The following PGM5 variants were observed in gnomAD, a reference collection of about 807,000 sequenced individuals.
PGM5 encodes phosphoglucomutase 5.
PGM5 carries 23 observed loss-of-function variants against 59.2 expected under a neutral mutation model. The observed-to-expected ratio is 0.39, with a 90% confidence interval of 0.28 to 0.55. PGM5 has a LOEUF of 0.55. Ranked by LOEUF, PGM5 falls within the 20% of genes least tolerant of loss-of-function variation. The probability of loss-of-function intolerance (pLI) is 0.66; values close to 1 mark genes in which losing one functional copy is unlikely to be tolerated. For missense variants in PGM5, 574 were observed against 748.3 expected, an observed-to-expected ratio of 0.77 and a Z score of 2.72; for synonymous variants, 214 against 286.0, an observed-to-expected ratio of 0.75 and a Z score of 2.54.
chr9:68,421,764 T>G (rs1823134081), intron 6 of PGM5, among the ~76,000 whole-genome samples: 1 of 152,076 alleles, frequency 6.6e-6, no homozygotes, highest in African/African-American at 2.4e-5. Flanking sequence ...GAGCTGATTC[T>G]GCTTTCCTGA....
intron 6 of PGM5, among the ~76,000 whole-genome samples, chr9:68,438,653 T>C (rs1823478771): frequency 6.6e-6 from 1 of 152,206 alleles, no homozygotes; most frequent in South Asian, 2.1e-4. Context: ...AGTAGATAGA[T>C]TGGAGAAGAC....
At chr9:68,434,591 G>A (rs1249835613) in intron 6 of PGM5, among the ~76,000 whole-genome samples, 1 of 152,010 alleles carries the variant, frequency 6.6e-6, no homozygotes, top group African/African-American at 2.4e-5. Context: ...TGGATCACCC[G>A]AGGTCAGGAG....
At chr9:68,372,670 T>C (rs1587773499) in intron 1 of PGM5, among the ~76,000 whole-genome samples, 1 of 152,134 alleles carries the variant, frequency 6.6e-6, no homozygotes, top group Non-Finnish European at 1.5e-5. Flanking sequence ...TGAGGCTGGG[T>C]AATTTACAAA....
chr9:68,393,915 G>A (rs1327296551), intron 6 of PGM5: 4 of 152,054 alleles, frequency 2.6e-5, no homozygotes, highest in African/African-American at 7.2e-5. Context: ...TTATATATTT[G>A]TATACTACAC....
At chr9:68,466,272 T>TG (rs1554685804) in intron 7 of PGM5, 1,041 of 701,904 alleles carry the variant, frequency 1.5e-3, no homozygotes, top group Non-Finnish European at 1.6e-3. Context: ...TACTGTGTGT[T>TG]TTTTTTTTTT....
intron 9 of PGM5, among the ~76,000 whole-genome samples, chr9:68,491,817 C>T (rs1174538852): frequency 6.6e-6 from 1 of 152,086 alleles, no homozygotes; most frequent in Non-Finnish European, 1.5e-5. Flanking sequence ...CCCTGGGCAA[C>T]ACAGCGAGAC....
chr9:68,361,305 T>C (rs1834574950), intron 1 of PGM5, among the ~76,000 whole-genome samples: 3 of 152,216 alleles, frequency 2.0e-5, no homozygotes, highest in Non-Finnish European at 4.4e-5. Flanking sequence ...GTTTATGTAT[T>C]TATTTAATGA....
chr9:68,419,265 A>C (rs1823088168), intron 6 of PGM5, among the ~76,000 whole-genome samples: 1 of 152,074 alleles, frequency 6.6e-6, no homozygotes, highest in Non-Finnish European at 1.5e-5. Flanking sequence ...TTTTTTTTCC[A>C]CCAAGTTTTA....
intron 9 of PGM5, among the ~76,000 whole-genome samples, chr9:68,489,040 C>T (rs782641706): frequency 2.6e-5 from 4 of 152,102 alleles, no homozygotes; most frequent in Admixed American, 6.6e-5. Context: ...GTGCAAACAT[C>T]GAGGGTTTCC....
intron 1 of PGM5, among the ~76,000 whole-genome samples, chr9:68,373,133 A>G (rs539143436): frequency 1.4e-5 from 2 of 141,292 alleles, no homozygotes; most frequent in East Asian, 4.1e-4. Flanking sequence ...TCCTATTATT[A>G]AAATCCTCCT....
chr9:68,368,946 A>G (rs568222033), intron 1 of PGM5, among the ~76,000 whole-genome samples: 2 of 152,414 alleles, frequency 1.3e-5, no homozygotes, highest in East Asian at 3.9e-4. Context: ...TGCCTGGCCT[A>G]CATCCAGTTT....
chr9:68,436,724 T>G lies in PGM5; in HGVS notation c.1044-28369T>G, dbSNP rs527699890. 2.0e-5 allele frequency among the ~76,000 whole-genome samples: 3 copies of G among 152,362 alleles called. No individual in the cohort carries two copies. The South Asian group carries it at 6.2e-4, about 32-fold the overall frequency. On this transcript the variant is annotated intron_variant, in intron 6 of 10. Coordinates refer to ENST00000396396, the MANE Select transcript of PGM5 (RefSeq NM_021965.4). The stretch of plus-strand genomic sequence containing the variant: ...CAAGGTTACTTGAGTTGAGGCTTTT[T>G]TCCTTGCAACCAGGAAAGCTGATTT...
intron 7 of PGM5, among the ~76,000 whole-genome samples, chr9:68,467,250 C>T (rs1452209167): frequency 6.6e-6 from 1 of 152,098 alleles, no homozygotes; most frequent in East Asian, 1.9e-4. Flanking sequence ...ATGTAAAGGC[C>T]TATACTAGGC....
intron 6 of PGM5, among the ~76,000 whole-genome samples, chr9:68,459,112 G>A (rs1381080318): frequency 6.6e-6 from 1 of 152,178 alleles, no homozygotes; most frequent in Non-Finnish European, 1.5e-5. Flanking sequence ...TCCATCTTCA[G>A]TAGTTTGTTT....
chr9:68,387,849 A>G (rs1325036701), intron 4 of PGM5, among the ~76,000 whole-genome samples: 1 of 151,978 alleles, frequency 6.6e-6, no homozygotes, highest in Non-Finnish European at 1.5e-5. Flanking sequence ...TTATTTGATC[A>G]TATGCATGGC....
At chr9:68,449,260 G>A (rs1385875088) in intron 6 of PGM5, among the ~76,000 whole-genome samples, 1 of 152,202 alleles carries the variant, frequency 6.6e-6, no homozygotes, top group Admixed American at 6.5e-5. Flanking sequence ...AGTGGACACA[G>A]ACCTTTAGTC....
At position 68,531,059 on chromosome 9, in the gene PGM5, T is replaced by C; in HGVS notation, c.*1403T>C. On this transcript the variant is annotated 3_prime_UTR_variant, in exon 11 of 11. Transcript: ENST00000396396. ...AAAAAAGAAATTCCTAATTTCAACC[T>C]TATCCAAGGATTGTGGGTTTTTACT... is the stretch of plus-strand genomic sequence containing the variant. 1 of 152,232 alleles carries C rather than the reference T, an allele frequency of 6.6e-6. No individual in the cohort carries two copies. Among genetic ancestry groups the C allele is most frequent in the East Asian group, 1.9e-4 (1 of 5,204 alleles). The allele number at this position is 152,232 out of a possible 1,614,324, so 9.4% of individuals were successfully genotyped here.
chr9:68,451,469 T>C (rs1254647128), intron 6 of PGM5, among the ~76,000 whole-genome samples: 7 of 152,228 alleles, frequency 4.6e-5, no homozygotes, highest in Admixed American at 4.6e-4. Flanking sequence ...TTATAAAAAT[T>C]CTTTCAAGTT....
chr9:68,499,829 A>T (rs537233991), intron 10 of PGM5, among the ~76,000 whole-genome samples: 3 of 152,318 alleles, frequency 2.0e-5, no homozygotes, highest in Admixed American at 1.3e-4. Context: ...GAGAGGATAT[A>T]GGTGGCCTTT....
Sources: gnomAD v4.1 joint callset for allele counts (sites outside exome capture counted in the v4.1 genomes callset) on GRCh38, gnomAD v4.1.1 for gene constraint, MANE v1.5 for transcripts, NCBI Gene and HGNC (gene_info 2026-07-23, HGNC 2026-07-21) for gene names.